The following ECM2 variants were observed in gnomAD, a reference collection of about 807,000 sequenced individuals.
ECM2 encodes extracellular matrix protein 2.
ECM2 carries 57 observed loss-of-function variants against 67.5 expected under a neutral mutation model. That is an observed-to-expected ratio of 0.84 (90% CI 0.68 to 1.05). ECM2 has a LOEUF of 1.05. ECM2 is among the 50% of genes least tolerant of loss of function. The pLI is 0.00. For synonymous variants in ECM2, 258 were observed against 294.5 expected (o/e 0.88, Z 1.27); for missense variants, 741 against 822.8 (o/e 0.90, Z 1.22).
In ECM2 at chr9:92,496,002, A is replaced by G; in HGVS notation, c.*313T>C. The G allele has an allele frequency of 1.0e-6, 1 of 999,878 alleles. No homozygotes were observed. The highest frequency in any genetic ancestry group is 1.2e-6 in the Non-Finnish European group (1 of 839,938). The allele number at this position is 999,878 out of a possible 1,614,324, so 61.9% of individuals were successfully genotyped here. On this transcript the variant is annotated 3_prime_UTR_variant, in exon 10 of 10. Coordinates refer to ENST00000344604, the MANE Select transcript of ECM2 (RefSeq NM_001393.4). Reference sequence around the variant, plus strand: ...TCAGCTAACACCAGTATTCAAGTTGATTATAAAGGCTGTGTTTATTTTGTT... The same window carrying G: ...TCAGCTAACACCAGTATTCAAGTTGGTTATAAAGGCTGTGTTTATTTTGTT...
chr9:92,552,854 A>G, the ECM2 span, among the ~76,000 whole-genome samples: 1 of 152,028 alleles, frequency 6.6e-6, no homozygotes, highest in African/African-American at 2.4e-5. Flanking sequence ...GGTCCCAGCT[A>G]TTGATCTTTG....
upstream of ECM2, chr9:92,536,090 C>T (rs1390303393): frequency 2.1e-6 from 1 of 479,068 alleles, no homozygotes; most frequent in Non-Finnish European, 4.1e-6. Flanking sequence ...ATAACTGCCT[C>T]CCTTGGGGAT....
At chr9:92,513,763 G>T (rs913113243) in intron 4 of ECM2, among the ~76,000 whole-genome samples, 16 of 152,328 alleles carry the variant, frequency 1.1e-4, no homozygotes, top group East Asian at 9.6e-4. Flanking sequence ...GTGTTCTGTG[G>T]TGGCCAGTGA....
chr9:92,517,924 T>C (rs773281576), intron 2 of ECM2, 49 bp from the exon 3 acceptor site: 5 of 1,603,260 alleles, frequency 3.1e-6, no homozygotes, highest in African/African-American at 2.7e-5. Context: ...TGATTATCAG[T>C]AACTGTGAAT....
Position 92,495,851 on chromosome 9 carries a change from T to G in ECM2, c.*464A>C, listed in dbSNP as rs950262666. 14 of 974,564 alleles carry G rather than the reference T, an allele frequency of 1.4e-5. No individual in the cohort carries two copies. Among genetic ancestry groups the G allele is most frequent in the African/African-American group, 1.8e-5 (1 of 56,970 alleles). 60.4% of individuals were successfully genotyped at this position (974,564 alleles called of 1,614,324 possible). A position where few individuals can be genotyped will look rare whatever the true frequency, so the allele number is the denominator to read the frequency against. ...TATAGCACAGGACCTTATAAGAAAT[T>G]AACAAATTATTGTTTTAATAATAAA... is the stretch of plus-strand genomic sequence containing the variant. On this transcript the variant is annotated 3_prime_UTR_variant, in exon 10 of 10. Transcript: ENST00000344604.
At chr9:92,536,866 T>A (rs1041747630), upstream of ECM2, among the ~76,000 whole-genome samples, 82 of 139,614 alleles carry the variant, frequency 5.9e-4, no homozygotes, top group Non-Finnish European at 4.1e-4. Flanking sequence ...AACTATTTTT[T>A]AAATTTTTTT....
Position 92,495,990 on chromosome 9 carries a change from G to A in ECM2, c.*325C>T, listed in dbSNP as rs1846326005. ...CTTACAGAGTTCTCAGCTAACACCA[G>A]TATTCAAGTTGATTATAAAGGCTGT... On this transcript the variant is annotated 3_prime_UTR_variant, in exon 10 of 10. Transcript: ENST00000344604. 4.0e-6 allele frequency: 4 copies of A among 995,296 alleles called. No homozygotes were observed. The South Asian group carries it at 1.4e-4, about 35-fold the overall frequency. The allele number at this position is 995,296 out of a possible 1,614,324, so 61.7% of individuals were successfully genotyped here. A position where few individuals can be genotyped will look rare whatever the true frequency, so the allele number is the denominator to read the frequency against.
At chr9:92,515,714 T>C (rs997426956) in intron 3 of ECM2, among the ~76,000 whole-genome samples, 17 of 152,228 alleles carry the variant, frequency 1.1e-4, no homozygotes, top group Non-Finnish European at 1.9e-4. Flanking sequence ...AGATTTGTCA[T>C]TATTTTTGTC....
intron 2 of ECM2, among the ~76,000 whole-genome samples, chr9:92,521,802 T>C (rs1019032714): frequency 4.6e-5 from 7 of 152,316 alleles, no homozygotes; most frequent in African/African-American, 1.7e-4. Flanking sequence ...TGAAAATATG[T>C]AATAGCCATA....
downstream of ECM2, chr9:92,495,259 A>G (rs117472687): frequency 0.048 from 36,242 of 753,344 alleles, 998 homozygotes; most frequent in South Asian, 0.07. Flanking sequence ...AAAGAAGTCA[A>G]CATAGTTTCT....
In ECM2 at chr9:92,535,959, G is replaced by A. The variant is rs775924155; in HGVS notation, c.-54C>T. On this transcript the variant is annotated 5_prime_UTR_variant, in exon 1 of 10. Transcript: ENST00000344604. ...TGGAGATCTAAACTAAGTAGGCTTTGCTTGGTGTCATTTAAGTCTCCAGCT... is the reference window on the plus strand; with the variant it reads ...TGGAGATCTAAACTAAGTAGGCTTTACTTGGTGTCATTTAAGTCTCCAGCT... 1 of 506,698 alleles carries A rather than the reference G, an allele frequency of 2.0e-6. No individual in the cohort carries two copies. Among genetic ancestry groups the A allele is most frequent in the East Asian group, 5.6e-5 (1 of 17,978 alleles). 31.4% of individuals were successfully genotyped at this position (506,698 alleles called of 1,614,324 possible).
At chr9:92,557,767 C>T in the ECM2 span, among the ~76,000 whole-genome samples, 75 of 152,202 alleles carry the variant, frequency 4.9e-4, no homozygotes, top group African/African-American at 1.7e-3. Flanking sequence ...CTCAGCCTCT[C>T]GAGTAGCTGG....
Position 92,501,091 on chromosome 9 carries a change from A to G in ECM2, c.1605-38T>C, listed in dbSNP as rs1010689. The G allele has an allele frequency of 2.2e-4, 353 of 1,583,968 alleles. 5 individuals carry two copies. The South Asian group carries it at 3.9e-3, about 17-fold the overall frequency. ...AAAAAGTAAACAGGGTAGGGACATC[A>G]GGATGGTGATCATCAGCTCTAAATT... On this transcript the variant is annotated intron_variant, in intron 8 of 9. Coordinates refer to ENST00000344604, the MANE Select transcript of ECM2 (RefSeq NM_001393.4).
At chr9:92,545,696 C>G in the ECM2 span, among the ~76,000 whole-genome samples, 1 of 151,380 alleles carries the variant, frequency 6.6e-6, no homozygotes, top group African/African-American at 2.5e-5. Flanking sequence ...CTGGGTGAAT[C>G]CAGCTGGGCT....
At chr9:92,538,837 A>G (rs945508748), upstream of ECM2, among the ~76,000 whole-genome samples, 9 of 152,232 alleles carry the variant, frequency 5.9e-5, no homozygotes, top group African/African-American at 2.2e-4. Flanking sequence ...CCACAGGGCC[A>G]TCTGCCTATG....
chr9:92,549,479 T>C, the ECM2 span, among the ~76,000 whole-genome samples: 2 of 152,240 alleles, frequency 1.3e-5, no homozygotes, highest in South Asian at 4.1e-4. Context: ...AAACACCGTC[T>C]GTACTAAAAA....
chr9:92,507,046 T>C (rs1847050694), intron 6 of ECM2, among the ~76,000 whole-genome samples: 1 of 152,090 alleles, frequency 6.6e-6, no homozygotes, highest in African/African-American at 2.4e-5. Context: ...TATCTGGCAT[T>C]GCAGGCCCCC....
intron 2 of ECM2, 26 bp downstream of exon 2, chr9:92,522,549 G>GTC (rs771860993): frequency 1.9e-6 from 3 of 1,548,346 alleles, no homozygotes; most frequent in Admixed American, 1.8e-5. Flanking sequence ...CCCTCTTTCT[G>GTC]TCTCTCTCTC....
chr9:92,496,287 T>A lies in ECM2; in HGVS notation c.*28A>T. 1 of 1,556,974 alleles carries A rather than the reference T, an allele frequency of 6.4e-7. No individual in the cohort carries two copies. The highest frequency in any genetic ancestry group is 8.6e-7 in the Non-Finnish European group (1 of 1,160,312). On this transcript the variant is annotated 3_prime_UTR_variant, in exon 10 of 10. Transcript: ENST00000344604. Reference sequence around the variant, plus strand: ...AGCTACTACAAATACATGAGTAAAGTTTATAAACAGCAAAGGAAAACTTGG... The same window carrying A: ...AGCTACTACAAATACATGAGTAAAGATTATAAACAGCAAAGGAAAACTTGG...
Sources: allele counts gnomAD v4.1 joint callset (sites outside exome capture counted in the v4.1 genomes callset), GRCh38; gene constraint gnomAD v4.1.1; transcripts MANE v1.5; gene names NCBI Gene and HGNC (gene_info 2026-07-23, HGNC 2026-07-21).